The following CMKLR2 variants were observed in gnomAD, a reference collection of about 807,000 sequenced individuals.
The protein encoded by CMKLR2 is chemerin chemokine-like receptor 2.
A neutral mutation model predicts 23.0 loss-of-function variants in CMKLR2; 18 were observed. The ratio of observed to expected loss-of-function variants is 0.78; its 90% CI spans 0.54 to 1.16. CMKLR2 has a LOEUF of 1.16. CMKLR2 is among the 50% of genes most tolerant of loss of function. The pLI is 0.00. For missense variants in CMKLR2, 401 were observed against 412.7 expected (o/e 0.97, Z 0.25); for synonymous variants, 158 against 158.9 (o/e 0.99, Z 0.05).
intron 1 of CMKLR2, among the ~76,000 whole-genome samples, chr2:206,206,371 A>G (rs930400069): frequency 6.6e-6 from 1 of 152,254 alleles, no homozygotes; most frequent in African/African-American, 2.4e-5. Context: ...AATGTTATCA[A>G]TACAGCTGGG....
At chr2:206,215,272 T>A (rs117594257), upstream of CMKLR2, among the ~76,000 whole-genome samples, 1 of 152,228 alleles carries the variant, frequency 6.6e-6, no homozygotes, top group Non-Finnish European at 1.5e-5. Context: ...GCTCTGCTAG[T>A]TTCCATTCCT....
At chr2:206,207,497 C>T (rs1423880711) in intron 1 of CMKLR2, among the ~76,000 whole-genome samples, 1 of 152,080 alleles carries the variant, frequency 6.6e-6, no homozygotes, top group Admixed American at 6.6e-5. Flanking sequence ...CAAGTACCAA[C>T]CACATCTAAT....
At chr2:206,196,320 G>C (rs1297317245) in intron 1 of CMKLR2, among the ~76,000 whole-genome samples, 1 of 152,120 alleles carries the variant, frequency 6.6e-6, no homozygotes, top group Non-Finnish European at 1.5e-5. Flanking sequence ...GTTGCAGTGA[G>C]CCAAGATCAT....
intron 1 of CMKLR2, among the ~76,000 whole-genome samples, chr2:206,183,401 C>T (rs1688477491): frequency 6.6e-6 from 1 of 152,114 alleles, no homozygotes; most frequent in Non-Finnish European, 1.5e-5. Context: ...TTGAAGGCAA[C>T]CGTCTTCTTC....
chr2:206,200,715 A>G (rs1689067506), intron 1 of CMKLR2, among the ~76,000 whole-genome samples: 1 of 152,124 alleles, frequency 6.6e-6, no homozygotes, highest in East Asian at 1.9e-4. Flanking sequence ...CCTCCCTTTC[A>G]GCCTCTGGAG....
intron 1 of CMKLR2, among the ~76,000 whole-genome samples, chr2:206,179,565 G>A (rs1422222836): frequency 1.3e-5 from 2 of 151,394 alleles, no homozygotes; most frequent in Non-Finnish European, 2.9e-5. Flanking sequence ...TCTTGACCTC[G>A]TGATCCACCC....
chr2:206,194,458 CTTTTTT>C (rs369564233), intron 1 of CMKLR2, among the ~76,000 whole-genome samples: 4 of 127,712 alleles, frequency 3.1e-5, no homozygotes, highest in African/African-American at 1.2e-4. Context: ...TCGTTATGGG[CTTTTTT>C]TTTTTTTTTT....
chr2:206,176,281 G>A lies in CMKLR2; in HGVS notation c.967C>T (p.Leu323Phe), dbSNP rs772149134. 6.2e-6 allele frequency: 10 copies of A among 1,614,038 alleles called. No homozygotes were observed. In the East Asian group the frequency reaches 2.0e-4, roughly 32 times the overall value. The change falls in exon 2 of 2, where the codon CTC (leucine) becomes TTC (phenylalanine). Residue 323 changes from leucine to phenylalanine, a missense_variant. Coordinates refer to ENST00000621141, the MANE Select transcript of CMKLR2 (RefSeq NM_001389445.1). ...CTGACTTCCCACAGTGTGTACTTGA[G>A]TATCTCAGCAACTGAGGACCGGAAG... ...ARFRSSVAEI[L>F]KYTLWEVSCS...
intron 1 of CMKLR2, among the ~76,000 whole-genome samples, chr2:206,204,194 T>C (rs986406048): frequency 6.6e-6 from 1 of 151,600 alleles, no homozygotes; most frequent in Non-Finnish European, 1.5e-5. Flanking sequence ...TTACTAAAAA[T>C]ACAAAAAATT....
At chr2:206,202,004 G>A (rs750337044) in intron 1 of CMKLR2, among the ~76,000 whole-genome samples, 15 of 152,176 alleles carry the variant, frequency 9.9e-5, no homozygotes, top group Non-Finnish European at 2.1e-4. Context: ...TTAGCTCAAT[G>A]TAAGGCAGAA....
chr2:206,189,301 T>A (rs1202894869), intron 1 of CMKLR2, among the ~76,000 whole-genome samples: 2 of 152,074 alleles, frequency 1.3e-5, no homozygotes, highest in African/African-American at 4.8e-5. Context: ...ACAGGGGCCC[T>A]TGGGGGAACA....
At chr2:206,202,530 G>A (rs983904917) in intron 1 of CMKLR2, among the ~76,000 whole-genome samples, 4 of 152,118 alleles carry the variant, frequency 2.6e-5, no homozygotes, top group African/African-American at 9.7e-5. Flanking sequence ...GCGCAATAAT[G>A]GTTCACTGCA....
chr2:206,212,390 C>CT (rs34113410), intron 1 of CMKLR2, among the ~76,000 whole-genome samples: 113,424 of 146,938 alleles, frequency 0.77, 43,656 homozygotes, highest in Non-Finnish European at 0.81. Flanking sequence ...GTCCCTTGGC[C>CT]TTTTTTTTTT....
intron 1 of CMKLR2, among the ~76,000 whole-genome samples, chr2:206,191,263 G>A (rs905531210): frequency 6.6e-6 from 1 of 152,100 alleles, no homozygotes. Context: ...ATGTTCACAT[G>A]GGGAAATCCT....
rs66681603 is a variant in CMKLR2, at chr2:206,206,917, C to CTTTTT, written c.-29+6385_-29+6389dup. On this transcript the variant is annotated intron_variant, in intron 1 of 1. Coordinates refer to ENST00000621141, the MANE Select transcript of CMKLR2 (RefSeq NM_001389445.1). ...AGTTCCTGTTTCAGTCCCCCTGCCC[C>CTTTTT]TTTTTTTTTTTTTTTTTTAATCAAA... Among the ~76,000 whole-genome samples, 756 of 126,116 alleles carry CTTTTT rather than the reference C, an allele frequency of 6.0e-3. 18 individuals carry two copies. The highest frequency in any genetic ancestry group is 0.022 in the African/African-American group (717 of 33,302). The allele number at this position is 126,116 out of a possible 152,430, so 82.7% of individuals were successfully genotyped here. A position where few individuals can be genotyped will look rare whatever the true frequency, so the allele number is the denominator to read the frequency against.
At chr2:206,217,563 G>A (rs1689795091), upstream of CMKLR2, 1 of 152,210 alleles carries the variant, frequency 6.6e-6, no homozygotes, top group African/African-American at 2.4e-5. Context: ...AAAGTCTGCG[G>A]AGGACTTAGT....
chr2:206,190,357 A>G (rs1179191585), intron 1 of CMKLR2, among the ~76,000 whole-genome samples: 1 of 152,206 alleles, frequency 6.6e-6, no homozygotes, highest in Non-Finnish European at 1.5e-5. Flanking sequence ...AAATGTTTGT[A>G]GCAAGGAGTG....
upstream of CMKLR2, among the ~76,000 whole-genome samples, chr2:206,215,031 G>GT (rs1553517259): frequency 6.6e-6 from 1 of 152,024 alleles, no homozygotes; most frequent in Non-Finnish European, 1.5e-5. Flanking sequence ...ACAGGATTTT[G>GT]TTTTTTTCCG....
At chr2:206,200,071 C>A (rs1339067335) in intron 1 of CMKLR2, among the ~76,000 whole-genome samples, 1 of 152,170 alleles carries the variant, frequency 6.6e-6, no homozygotes, top group Non-Finnish European at 1.5e-5. Context: ...ATCACCCTGT[C>A]CCAGAAACAA....
Sources: allele counts gnomAD v4.1 joint callset (sites outside exome capture counted in the v4.1 genomes callset), GRCh38; gene constraint gnomAD v4.1.1; transcripts MANE v1.5; gene names NCBI Gene and HGNC (gene_info 2026-07-23, HGNC 2026-07-21).